The following PCDHA9 variants were observed in gnomAD, a reference collection of about 807,000 sequenced individuals.
The protein encoded by PCDHA9 is protocadherin alpha 9, also known as protocadherin alpha-9.
Under a neutral mutation model 62.0 loss-of-function variants are expected in PCDHA9, and 62 were observed. That is an observed-to-expected ratio of 1.00 (90% CI 0.81 to 1.23). The LOEUF (loss-of-function observed/expected upper bound fraction) is 1.23. Among genes scored for constraint, PCDHA9 ranks in the 50% most tolerant of loss-of-function variants. The pLI is 0.00. For synonymous variants in PCDHA9, 557 were observed against 567.6 expected, an observed-to-expected ratio of 0.98 and a Z score of 0.27; for missense variants, 1,205 against 1,249.8, an observed-to-expected ratio of 0.96 and a Z score of 0.54.
intron 1 of PCDHA9, chr5:140,884,272 G>A (rs1554181402): frequency 6.2e-7 from 1 of 1,613,574 alleles, no homozygotes; most frequent in South Asian, 1.1e-5. Flanking sequence ...TGCTGTTGTC[G>A]CTGGTGGAGA....
At position 140,850,671 on chromosome 5, in the gene PCDHA9, A is replaced by T; in HGVS notation, c.2176A>T (p.Met726Leu). ...LLYTVLRCSA[M>L]PTEGECAPGK... ...GTACACTGTGCTGCGGTGCTCGGCG[A>T]TGCCCACCGAGGGCGAGTGCGCGCC... The change falls in exon 1 of 4, where the codon ATG becomes TTG. Residue 726 changes from methionine to leucine, a missense_variant. This residue lies in a region of PCDHA9 where 887 missense variants were observed against 809.5 expected (regional missense o/e 1.10). Transcript: ENST00000532602. The T allele has an allele frequency of 6.3e-7, 1 of 1,598,160 alleles. No homozygotes were observed. Among genetic ancestry groups the T allele is most frequent in the Non-Finnish European group, 8.6e-7 (1 of 1,167,764 alleles).
intron 1 of PCDHA9, among the ~76,000 whole-genome samples, chr5:140,903,708 T>C (rs1460220411): frequency 1.3e-5 from 2 of 152,212 alleles, no homozygotes; most frequent in Non-Finnish European, 2.9e-5. Context: ...AGTAATAAAA[T>C]ATACAATTCT....
Position 140,877,047 on chromosome 5 carries a change from C to T in PCDHA9, c.2394+26158C>T, listed in dbSNP as rs372059660. The T allele has an allele frequency of 5.6e-6, 9 of 1,612,564 alleles. No homozygotes were observed. The African/African-American group carries it at 1.2e-4, about 22-fold the overall frequency. On this transcript the variant is annotated intron_variant, in intron 1 of 3. Transcript: ENST00000532602. ...TGTACGCGCTGCAGCCGCTAGACCA[C>T]GAGGAGCTGGAGCTGCTGCAGTTCC...
chr5:140,872,973 T>C (rs1562677174), intron 1 of PCDHA9, among the ~76,000 whole-genome samples: 1 of 152,212 alleles, frequency 6.6e-6, no homozygotes, highest in African/African-American at 2.4e-5. Flanking sequence ...ATCTGAAGAT[T>C]TGAGCAAAGA....
At chr5:140,859,230 G>A (rs1168816968) in intron 1 of PCDHA9, 2 of 149,852 alleles carry the variant, frequency 1.3e-5, no homozygotes, top group Non-Finnish European at 3.0e-5. Context: ...TAAGGAAGGA[G>A]TCATGCTTAT....
In PCDHA9 at chr5:140,871,159, G is replaced by T. The variant is rs781816033; in HGVS notation, c.2394+20270G>T. Reference sequence around the variant, plus strand: ...CTCTTCCCGGACTTTGGCGGGCGCCGCGAGCCCAGAGGCTGCGCTGGTGGA... The same window carrying T: ...CTCTTCCCGGACTTTGGCGGGCGCCTCGAGCCCAGAGGCTGCGCTGGTGGA... On this transcript the variant is annotated intron_variant, in intron 1 of 3. Coordinates refer to ENST00000532602, the MANE Select transcript of PCDHA9 (RefSeq NM_031857.2). The T allele has an allele frequency of 1.6e-5, 26 of 1,613,450 alleles. No individual in the cohort carries two copies. The South Asian group carries it at 2.9e-4, about 18-fold the overall frequency.
At chr5:140,926,204 G>C (rs888951769) in intron 1 of PCDHA9, among the ~76,000 whole-genome samples, 1 of 151,802 alleles carries the variant, frequency 6.6e-6, no homozygotes, top group South Asian at 2.2e-4. Context: ...CTTTCGGGGG[G>C]CTCCTGTTTC....
rs1467294389 is a variant in PCDHA9 at position 140,851,714 on chromosome 5, C to T, written c.2394+825C>T. ...TAAAATGATCAGCCATGTGAAGATT[C>T]GAAACTTCGAGTTCTTTTGAAATTC... On this transcript the variant is annotated intron_variant, in intron 1 of 3. Coordinates refer to ENST00000532602, the MANE Select transcript of PCDHA9 (RefSeq NM_031857.2). The T allele has an allele frequency of 2.3e-5, 22 of 961,800 alleles. 2 individuals are homozygous for T. The highest frequency in any genetic ancestry group is 9.6e-5 in the South Asian group (2 of 20,808). The allele number at this position is 961,800 out of a possible 1,614,324, so 59.6% of individuals were successfully genotyped here.
At chr5:140,903,500 G>C (rs553764100) in intron 1 of PCDHA9, among the ~76,000 whole-genome samples, 5 of 152,184 alleles carry the variant, frequency 3.3e-5, no homozygotes, top group Non-Finnish European at 7.3e-5. Flanking sequence ...AGGTACCATA[G>C]ATAATAGTTC....
rs185216314 is a variant in PCDHA9, at chr5:140,968,202, A to G, written c.2395-10747A>G. On this transcript the variant is annotated intron_variant, in intron 1 of 3. Transcript: ENST00000532602. ...GAGGACTCCTATTCCATCTACATACAGGAGAACAATTTGCCAGGTGTGTTG... is the reference window on the plus strand; with the variant it reads ...GAGGACTCCTATTCCATCTACATACGGGAGAACAATTTGCCAGGTGTGTTG... The G allele has an allele frequency of 3.7e-5, 60 of 1,614,044 alleles. 1 individual carries two copies. The East Asian group carries it at 1.1e-3, about 29-fold the overall frequency.
At chr5:140,967,453 C>T in intron 1 of PCDHA9, 1 of 1,613,556 alleles carries the variant, frequency 6.2e-7, no homozygotes, top group South Asian at 1.1e-5. Context: ...TTCTCACAGC[C>T]GTGGATGGGG....
At chr5:140,859,508 T>A (rs1298997050) in intron 1 of PCDHA9, 1 of 197,594 alleles carries the variant, frequency 5.1e-6, no homozygotes, top group Non-Finnish European at 1.0e-5. Flanking sequence ...CTGATACCCA[T>A]GATTTCATTT....
At position 140,850,377 on chromosome 5, in the gene PCDHA9, A is replaced by G. The variant is rs2150481518; in HGVS notation, c.1882A>G (p.Thr628Ala). 3 of 1,597,876 alleles carry G rather than the reference A, an allele frequency of 1.9e-6. No individual in the cohort carries two copies. Among genetic ancestry groups the G allele is most frequent in the Middle Eastern group, 1.7e-4 (1 of 5,964 alleles). Reference sequence around the variant, plus strand: ...CATCCCGTTCCGCGTGGGGCTGTACACGGGCGAGATCAGCACAACGCGTGC... The same window carrying G: ...CATCCCGTTCCGCGTGGGGCTGTACGCGGGCGAGATCAGCACAACGCGTGC... Reference protein sequence around the residue: ...ASIPFRVGLYTGEISTTRALD... With the variant: ...ASIPFRVGLYAGEISTTRALD... Residue 628 changes from threonine (T) to alanine (A), a missense_variant, in exon 1 of 4, where the codon ACG becomes GCG. Physicochemically the swap from Thr to Ala is moderately conservative, Grantham distance 58. Coordinates refer to ENST00000532602, the MANE Select transcript of PCDHA9 (RefSeq NM_031857.2).
chr5:140,991,588 C>T (rs1252872687), intron 3 of PCDHA9, among the ~76,000 whole-genome samples: 3 of 152,212 alleles, frequency 2.0e-5, no homozygotes, highest in African/African-American at 7.2e-5. Flanking sequence ...TTATTTCTAC[C>T]TGAGCCCTCA....
chr5:141,004,708 A>G (rs955852492), intron 3 of PCDHA9, among the ~76,000 whole-genome samples: 2 of 152,340 alleles, frequency 1.3e-5, no homozygotes, highest in South Asian at 4.1e-4. Flanking sequence ...TAGGTGCCGA[A>G]TCAGAGGTTT....
intron 1 of PCDHA9, chr5:140,884,195 C>T: frequency 6.2e-7 from 1 of 1,613,394 alleles, no homozygotes; most frequent in Non-Finnish European, 8.5e-7. Flanking sequence ...GGTGGACGCG[C>T]CGCACCACCG....
chr5:140,870,382 C>T, intron 1 of PCDHA9: 1 of 1,614,178 alleles, frequency 6.2e-7, no homozygotes, highest in Non-Finnish European at 8.5e-7. Context: ...GGTGACTGCG[C>T]GGGATGGGGG....
chr5:141,008,679 T>C (rs950831628), intron 3 of PCDHA9, among the ~76,000 whole-genome samples: 4 of 152,238 alleles, frequency 2.6e-5, no homozygotes, highest in South Asian at 4.1e-4. Context: ...TATACTTTAG[T>C]TATTGCATGT....
At chr5:140,851,486 C>T in intron 1 of PCDHA9, 1 of 886,580 alleles carries the variant, frequency 1.1e-6, no homozygotes, top group Non-Finnish European at 1.4e-6. Flanking sequence ...ATAAACACAG[C>T]CTTCATTTCA....
Sources: allele counts gnomAD v4.1 joint callset (sites outside exome capture counted in the v4.1 genomes callset), GRCh38; gene constraint gnomAD v4.1.1; regional missense constraint gnomAD v4.1.1; transcripts MANE v1.5; gene names NCBI Gene and HGNC (gene_info 2026-07-23, HGNC 2026-07-21).